CDYL2: variants seen among roughly 807,000 people sequenced by gnomAD.
The protein encoded by CDYL2 is chromodomain Y-like protein 2.
In CDYL2, 23 loss-of-function variants were observed where a neutral mutation model predicts 49.4. That is an observed-to-expected ratio of 0.47 (90% CI 0.34 to 0.66). CDYL2 has a LOEUF of 0.66. Ranked by LOEUF, CDYL2 falls within the 30% of genes least tolerant of loss-of-function variation. The probability of loss-of-function intolerance (pLI) is 0.01; values close to 1 mark genes in which losing one functional copy is unlikely to be tolerated. For synonymous variants in CDYL2, 360 were observed against 268.8 expected (o/e 1.34, Z -3.32); for missense variants, 678 against 656.4 (o/e 1.03, Z -0.36).
chr16:80,670,884 C>G, intron 2 of CDYL2: 1 of 455,846 alleles, frequency 2.2e-6, no homozygotes, highest in Non-Finnish European at 4.4e-6. Context: ...TCAGGTTGCG[C>G]ACGAGGAAGA....
intron 2 of CDYL2, among the ~76,000 whole-genome samples, chr16:80,670,598 G>A (rs997778684): frequency 1.3e-5 from 2 of 152,130 alleles, no homozygotes; most frequent in Non-Finnish European, 2.9e-5. Flanking sequence ...GGGAGCGCTG[G>A]AGTCCACCCA....
chr16:80,636,754 G>A (rs146634756), intron 2 of CDYL2, among the ~76,000 whole-genome samples: 21 of 152,256 alleles, frequency 1.4e-4, no homozygotes, highest in African/African-American at 3.9e-4. Context: ...ACATGCACAC[G>A]TATGTTTACT....
At chr16:80,633,744 C>G (rs1165680280) in intron 2 of CDYL2, among the ~76,000 whole-genome samples, 1 of 152,180 alleles carries the variant, frequency 6.6e-6, no homozygotes, top group African/African-American at 2.4e-5. Context: ...CAGGCGCTGC[C>G]TTGAGATGAG....
chr16:80,684,201 C>T (rs187339651), intron 2 of CDYL2, among the ~76,000 whole-genome samples: 150 of 152,302 alleles, frequency 9.8e-4, no homozygotes, highest in South Asian at 1.9e-3. Context: ...GTCTTGGGTC[C>T]TGGGGGTGAG....
At chr16:80,640,953 C>A (rs932840478) in intron 2 of CDYL2, among the ~76,000 whole-genome samples, 2 of 152,024 alleles carry the variant, frequency 1.3e-5, no homozygotes, top group African/African-American at 2.4e-5. Flanking sequence ...CCTACAGGAT[C>A]TAGAAAATAG....
intron 1 of CDYL2, among the ~76,000 whole-genome samples, chr16:80,741,049 G>A (rs1422267984): frequency 1.3e-5 from 2 of 151,144 alleles, no homozygotes; most frequent in African/African-American, 4.8e-5. Context: ...AACAAAAAAA[G>A]AATTCAAGAC....
At chr16:80,709,202 C>G (rs763987714) in intron 1 of CDYL2, among the ~76,000 whole-genome samples, 1 of 151,988 alleles carries the variant, frequency 6.6e-6, no homozygotes, top group African/African-American at 2.4e-5. Context: ...GCCAACATGG[C>G]GAAACCCCGT....
chr16:80,634,905 C>G (rs9932109), intron 2 of CDYL2, among the ~76,000 whole-genome samples: 63,855 of 151,938 alleles, frequency 0.42, 15,589 homozygotes, highest in African/African-American at 0.68. Context: ...ATTTTTGGAA[C>G]AAATAATACC....
At chr16:80,739,982 T>A (rs746916995) in intron 1 of CDYL2, among the ~76,000 whole-genome samples, 2 of 152,190 alleles carry the variant, frequency 1.3e-5, no homozygotes, top group African/African-American at 4.8e-5. Flanking sequence ...AATGTCACTG[T>A]CTTTGCTAGG....
intron 1 of CDYL2, among the ~76,000 whole-genome samples, chr16:80,766,980 A>T (rs188315478): frequency 6.6e-6 from 1 of 152,302 alleles, no homozygotes; most frequent in East Asian, 1.9e-4. Flanking sequence ...TTGCAGATGA[A>T]TAAACTGAGG....
chr16:80,635,234 GC>G (rs151072200), intron 2 of CDYL2, among the ~76,000 whole-genome samples: 1 of 152,194 alleles, frequency 6.6e-6, no homozygotes, highest in East Asian at 1.9e-4. Context: ...TGTAGAAAAA[GC>G]ATCTCACAAA....
At chr16:80,604,864 G>A (rs1309053959) in intron 6 of CDYL2, among the ~76,000 whole-genome samples, 1 of 152,050 alleles carries the variant, frequency 6.6e-6, no homozygotes, top group Non-Finnish European at 1.5e-5. Flanking sequence ...AAAAGTGTGG[G>A]AGACACTGTT....
At chr16:80,742,921 G>T (rs571653264) in intron 1 of CDYL2, among the ~76,000 whole-genome samples, 76 of 150,650 alleles carry the variant, frequency 5.0e-4, no homozygotes, top group African/African-American at 1.3e-3. Flanking sequence ...ATGGATGGAT[G>T]GATGAATAAA....
chr16:80,689,318 G>A (rs1324983931), intron 1 of CDYL2, among the ~76,000 whole-genome samples: 2 of 152,206 alleles, frequency 1.3e-5, no homozygotes, highest in Non-Finnish European at 2.9e-5. Context: ...GGCTGTCTCA[G>A]TAGGATTAAT....
chr16:80,626,199 G>A (rs535276396), intron 3 of CDYL2, among the ~76,000 whole-genome samples: 32 of 148,366 alleles, frequency 2.2e-4, no homozygotes, highest in Admixed American at 6.1e-4. Flanking sequence ...TCAGCAGAAG[G>A]ATGGGAGGCA....
intron 2 of CDYL2, among the ~76,000 whole-genome samples, chr16:80,664,651 A>G (rs1482943732): frequency 6.6e-6 from 1 of 152,142 alleles, no homozygotes; most frequent in Non-Finnish European, 1.5e-5. Context: ...TCCAAATACA[A>G]TGTAGCTCTC....
At chr16:80,761,232 G>C (rs1431795553) in intron 1 of CDYL2, among the ~76,000 whole-genome samples, 2 of 152,114 alleles carry the variant, frequency 1.3e-5, no homozygotes, top group Admixed American at 6.5e-5. Context: ...GGATTCTGGT[G>C]GGGCTCCAGG....
At position 80,802,782 on chromosome 16, in the gene CDYL2, C is replaced by T. The variant is rs1050639080; in HGVS notation, c.24+1368G>A. Among the ~76,000 whole-genome samples, 6 of 152,200 alleles carry T rather than the reference C, an allele frequency of 3.9e-5. No individual in the cohort carries two copies. In the East Asian group the frequency reaches 5.8e-4, roughly 15 times the overall value. On this transcript the variant is annotated intron_variant, in intron 1 of 6. Coordinates refer to ENST00000570137, the MANE Select transcript of CDYL2 (RefSeq NM_152342.4). The stretch of plus-strand genomic sequence containing the variant: ...CTTCTCTAACGCCAGTCAGCAAACC[C>T]ACCACCTGAAAAAGCTTCAACTGCC...
chr16:80,716,788 G>A (rs1235989961), intron 1 of CDYL2, among the ~76,000 whole-genome samples: 1 of 151,986 alleles, frequency 6.6e-6, no homozygotes, highest in Non-Finnish European at 1.5e-5. Flanking sequence ...TGACTGGATG[G>A]ATGATAATGG....
Sources: allele counts gnomAD v4.1 joint callset (sites outside exome capture counted in the v4.1 genomes callset), GRCh38; gene constraint gnomAD v4.1.1; transcripts MANE v1.5; gene names NCBI Gene and HGNC (gene_info 2026-07-23, HGNC 2026-07-21).